The following KISS1R variants were observed in gnomAD, a reference collection of about 807,000 sequenced individuals.
The protein encoded by KISS1R is kiSS-1 receptor.
Under a neutral mutation model 22.0 loss-of-function variants are expected in KISS1R, and 19 were observed. The observed-to-expected ratio is 0.86, with a 90% CI of 0.60 to 1.26. The LOEUF is 1.26. Ranked by LOEUF, KISS1R falls within the 50% of genes most tolerant of loss-of-function variation. KISS1R has a pLI of 0.00. For missense variants in KISS1R, 653 were observed against 581.9 expected (o/e 1.12, Z -1.26); for synonymous variants, 302 against 283.9 (o/e 1.06, Z -0.64).
Position 920,654 on chromosome 19 carries a change from C to T in KISS1R, c.1103C>T (p.Ser368Phe), listed in dbSNP as rs756610568. Residue 368 changes from serine (S) to phenylalanine (F), a missense_variant, in exon 5 of 5, where the codon TCC becomes TTC. Physicochemically the swap from Ser to Phe is radical, Grantham distance 155 (BLOSUM62 -2). Coordinates refer to ENST00000234371, the MANE Select transcript of KISS1R (RefSeq NM_032551.5). ...APHAELLRLG[S>F]HPAPARAQKP... ...CACGCGGAGCTGCTCCGCCTGGGGTCCCACCCGGCCCCCGCCAGGGCGCAG... is the reference window on the plus strand; with the variant it reads ...CACGCGGAGCTGCTCCGCCTGGGGTTCCACCCGGCCCCCGCCAGGGCGCAG... 5.3e-5 allele frequency: 70 copies of T among 1,308,596 alleles called. No individual in the cohort carries two copies. The East Asian group carries it at 1.7e-3, about 32-fold the overall frequency. 81.1% of individuals were successfully genotyped at this position (1,308,596 alleles called of 1,614,324 possible).
At chr19:918,255 G>C (rs2037075827) in intron 1 of KISS1R, among the ~76,000 whole-genome samples, 1 of 152,264 alleles carries the variant, frequency 6.6e-6, no homozygotes, top group African/African-American at 2.4e-5. Flanking sequence ...TCAGGGGCCT[G>C]CTTAGGCTCC....
chr19:920,280 A>T lies in KISS1R; in HGVS notation c.739-10A>T. The T allele has an allele frequency of 2.6e-6, 4 of 1,566,022 alleles. No homozygotes were observed. Among genetic ancestry groups the T allele is most frequent in the Non-Finnish European group, 3.4e-6 (4 of 1,165,384 alleles). ...CCTTTCGTCTAACCACCTTCACGGC[A>T]CCCCCCCAGGGGCAGGTGCTGGCAG... On this transcript the variant is annotated splice_polypyrimidine_tract_variant and intron_variant, in intron 4 of 4. Coordinates refer to ENST00000234371, the MANE Select transcript of KISS1R (RefSeq NM_032551.5).
chr19:920,066 G>A lies in KISS1R; in HGVS notation c.698G>A (p.Arg233Gln). 6.6e-7 allele frequency: 1 copy of A among 1,525,890 alleles called. No homozygotes were observed. The allele number at this position is 1,525,890 out of a possible 1,614,324, so 94.5% of individuals were successfully genotyped here. Residue 233 changes from arginine to glutamine, a missense_variant, in exon 4 of 5, where the codon CGG becomes CAG. Physicochemically the swap from Arg to Gln is conservative, Grantham distance 43. Coordinates refer to ENST00000234371, the MANE Select transcript of KISS1R (RefSeq NM_032551.5). ...CYAAMLRHLG[R>Q]VAVRPAPADS... is the part of the protein sequence containing the mutation. Reference sequence around the variant, plus strand: ...GCGGCCATGCTGCGCCACCTGGGCCGGGTCGCCGTGCGCCCCGCGCCCGCC... The same window carrying A: ...GCGGCCATGCTGCGCCACCTGGGCCAGGTCGCCGTGCGCCCCGCGCCCGCC...
Position 920,740 on chromosome 19 carries a change from C to A in KISS1R, c.1189C>A (p.Pro397Thr). 2 of 1,286,268 alleles carry A rather than the reference C, an allele frequency of 1.6e-6. No homozygotes were observed. The highest frequency in any genetic ancestry group is 3.0e-5 in the South Asian group (1 of 33,372). 79.7% of individuals were successfully genotyped at this position (1,286,268 alleles called of 1,614,324 possible). Residue 397 changes from proline to threonine, a missense_variant, in exon 5 of 5, where the codon CCT (proline) becomes ACT (threonine). By Grantham distance (38) the Pro-to-Thr change is conservative. Coordinates refer to ENST00000234371, the MANE Select transcript of KISS1R (RefSeq NM_032551.5). ...GLCVLGEDNA[P>T]L ...GTGCGTCCTGGGGGAGGACAACGCC[C>A]CTCTCTGAGCGGACCCGGTGGGAAT...
Position 917,526 on chromosome 19 carries a change from A to G in KISS1R, c.24A>G (p.Gly8=), listed in dbSNP as rs10407968. The G allele has an allele frequency of 0.15, 225,500 of 1,503,474 alleles. 17,846 individuals carry two copies. The highest frequency in any genetic ancestry group is 0.23 in the African/African-American group (16,065 of 69,894). The allele number at this position is 1,503,474 out of a possible 1,614,324, so 93.1% of individuals were successfully genotyped here. A position where few individuals can be genotyped will look rare whatever the true frequency, so the allele number is the denominator to read the frequency against. Reference sequence around the variant, plus strand: ...CCATGCACACCGTGGCTACGTCCGGACCCAACGCGTCCTGGGGGGCACCGG... The same window carrying G: ...CCATGCACACCGTGGCTACGTCCGGGCCCAACGCGTCCTGGGGGGCACCGG... The part of the protein sequence containing the change: MHTVATS[G]PNASWGAPAN... The change falls in exon 1 of 5, where the codon GGA becomes GGG. Residue 8 remains glycine (G), a synonymous_variant. Coordinates refer to ENST00000234371, the MANE Select transcript of KISS1R (RefSeq NM_032551.5).
rs1347821936 is a variant in KISS1R, at chr19:918,629, G to T, written c.330G>T (p.Leu110=). The change falls in exon 2 of 5, where the codon CTG becomes CTT. Residue 110 remains leucine, a synonymous_variant. Transcript: ENST00000234371. ...TGTACCCGCTGCCCGGCTGGGTGCT[G>T]GGCGACTTCATGTGCAAGTTCGTCA... is the stretch of plus-strand genomic sequence containing the variant. ...ALLYPLPGWV[L]GDFMCKFVNY... The T allele has an allele frequency of 1.3e-6, 2 of 1,551,252 alleles. No individual in the cohort carries two copies. The highest frequency in any genetic ancestry group is 1.7e-6 in the Non-Finnish European group (2 of 1,147,072).
chr19:919,917 G>C lies in KISS1R; in HGVS notation c.549G>C (p.Leu183=). Residue 183 remains leucine (L), a synonymous_variant, in exon 4 of 5, where the codon CTG becomes CTC. Transcript: ENST00000234371. ...CGCCGGTGCTCGCCCTGCACCGCCT[G>C]TCACCCGGGCCGCGCGCCTACTGCA... ...VSAPVLALHR[L]SPGPRAYCSE... The C allele has an allele frequency of 6.4e-7, 1 of 1,553,644 alleles. No homozygotes were observed. Among genetic ancestry groups the C allele is most frequent in the East Asian group, 2.4e-5 (1 of 41,360 alleles).
At chr19:918,426 T>G in intron 1 of KISS1R, 118 bp from the exon 2 acceptor site, 31 of 1,222,040 alleles carry the variant, frequency 2.5e-5, no homozygotes, top group Non-Finnish European at 3.1e-5. Context: ...GGGGCCTCCC[T>G]GAGCCATCCT....
chr19:920,310 C>T lies in KISS1R; in HGVS notation c.759C>T (p.Arg253=), dbSNP rs764009738. 1.1e-5 allele frequency: 18 copies of T among 1,570,084 alleles called. No individual in the cohort carries two copies. In the Admixed American group the frequency reaches 3.2e-4, roughly 28 times the overall value. ...CCCAGGGGCAGGTGCTGGCAGAGCG[C>T]GCAGGCGCCGTGCGGGCCAAGGTCT... ...SALQGQVLAE[R]AGAVRAKVSR... Residue 253 remains arginine, a synonymous_variant, in exon 5 of 5, where the codon CGC becomes CGT. Coordinates refer to ENST00000234371, the MANE Select transcript of KISS1R (RefSeq NM_032551.5).
At chr19:918,784 AG>A in intron 2 of KISS1R, 116 bp downstream of exon 2, 1 of 60,584 alleles carries the variant, frequency 1.7e-5, no homozygotes, top group Non-Finnish European at 2.6e-5. Context: ...CCGCAGTGGG[AG>A]GGGAGGGGAT....
In KISS1R at chr19:917,611, C is replaced by T. The variant is rs1280725412; in HGVS notation, c.109C>T (p.Pro37Ser). 6.4e-7 allele frequency: 1 copy of T among 1,567,558 alleles called. No individual in the cohort carries two copies. The highest frequency in any genetic ancestry group is 2.4e-5 in the East Asian group (1 of 42,442). The change falls in exon 1 of 5, where the codon CCG (proline) becomes TCG (serine). Residue 37 changes from proline (P) to serine (S), a missense_variant. Coordinates refer to ENST00000234371, the MANE Select transcript of KISS1R (RefSeq NM_032551.5). ...CGCCTCGGACGGCCCAGTCCCTTCG[C>T]CGCGGGCCGTGGACGCCTGGCTCGT... is the stretch of plus-strand genomic sequence containing the variant. Reference protein sequence around the residue: ...ANASDGPVPSPRAVDAWLVPL... With the variant: ...ANASDGPVPSSRAVDAWLVPL...
At chr19:918,446 T>G in intron 1 of KISS1R, 98 bp from the exon 2 acceptor site, 1 of 1,391,572 alleles carries the variant, frequency 7.2e-7, no homozygotes, top group Non-Finnish European at 9.7e-7. Flanking sequence ...TGCTGGTCAC[T>G]CGGACCAAGG....
At chr19:918,440 G>A (rs1599369840) in intron 1 of KISS1R, 104 bp from the exon 2 acceptor site, 4 of 1,378,244 alleles carry the variant, frequency 2.9e-6, no homozygotes, top group Non-Finnish European at 3.9e-6. Context: ...CCATCCTGCT[G>A]GTCACTCGGA....
At chr19:918,431 CATCCTGCTGGTCACTCGG>C in intron 1 of KISS1R, 95 bp from the exon 2 acceptor site, 5 of 1,314,224 alleles carry the variant, frequency 3.8e-6, no homozygotes, top group Non-Finnish European at 5.2e-6. Flanking sequence ...CTCCCTGAGC[CATCCTGCTGGTCACTCGG>C]ACCAAGGTGG....
chr19:919,663 C>T, intron 3 of KISS1R, 38 bp downstream of exon 3: 1 of 1,540,892 alleles, frequency 6.5e-7, no homozygotes. Flanking sequence ...AGAAGGCGGA[C>T]ACGTCCTAGT....
At position 917,792 on chromosome 19, in the gene KISS1R, C is replaced by A; in HGVS notation, c.244+46C>A. The A allele has an allele frequency of 1.9e-6, 3 of 1,560,262 alleles. No individual in the cohort carries two copies. The South Asian group carries it at 3.5e-5, about 18-fold the overall frequency. ...GCACCTGCTGCCGTCCCGGGGGCTC[C>A]GAGGGCCGAGCGGCCTGGGGCGCCC... On this transcript the variant is annotated intron_variant, in intron 1 of 4. Transcript: ENST00000234371.
chr19:918,111 G>A (rs570761668), intron 1 of KISS1R, among the ~76,000 whole-genome samples: 1 of 152,268 alleles, frequency 6.6e-6, no homozygotes, highest in African/African-American at 2.4e-5. Flanking sequence ...CCCCTGCCCC[G>A]GTGGCTCTCT....
chr19:918,633 G>T lies in KISS1R; in HGVS notation c.334G>T (p.Asp112Tyr). Residue 112 changes from aspartate (D) to tyrosine (Y), a missense_variant, in exon 2 of 5, where the codon GAC becomes TAC. Transcript: ENST00000234371. The part of the protein sequence containing the change: ...LYPLPGWVLG[D>Y]FMCKFVNYIQ... ...CCCGCTGCCCGGCTGGGTGCTGGGC[G>T]ACTTCATGTGCAAGTTCGTCAACTA... 1 of 1,551,110 alleles carries T rather than the reference G, an allele frequency of 6.4e-7. No individual in the cohort carries two copies. Among genetic ancestry groups the T allele is most frequent in the South Asian group, 1.2e-5 (1 of 84,064 alleles).
In KISS1R at chr19:919,998, G is replaced by A. The variant is rs1483285723; in HGVS notation, c.630G>A (p.Leu210=). The A allele has an allele frequency of 1.3e-6, 2 of 1,556,058 alleles. No individual in the cohort carries two copies. Among genetic ancestry groups the A allele is most frequent in the Non-Finnish European group, 1.7e-6 (2 of 1,153,082 alleles). ...GCGCCTTCGCACTGTACAACCTGCTGGCGCTGTACCTGCTGCCGCTGCTCG... is the reference window on the plus strand; with the variant it reads ...GCGCCTTCGCACTGTACAACCTGCTAGCGCTGTACCTGCTGCCGCTGCTCG... ...LERAFALYNL[L]ALYLLPLLAT... is the part of the protein sequence containing the mutation. Residue 210 remains leucine, a synonymous_variant, in exon 4 of 5, where the codon CTG becomes CTA. Transcript: ENST00000234371.
Sources: gnomAD v4.1 joint callset for allele counts (sites outside exome capture counted in the v4.1 genomes callset) on GRCh38, gnomAD v4.1.1 for gene constraint, MANE v1.5 for transcripts, NCBI Gene and HGNC (gene_info 2026-07-23, HGNC 2026-07-21) for gene names.